The following RBMS3 variants were observed in gnomAD, a reference collection of about 807,000 sequenced individuals.
RBMS3 encodes the protein RNA-binding motif, single-stranded-interacting protein 3.
RBMS3 carries 27 observed loss-of-function variants against 66.8 expected under a neutral mutation model. That is an observed-to-expected ratio of 0.40 (90% CI 0.30 to 0.56). The LOEUF is 0.56. Among genes scored for constraint, RBMS3 ranks in the 20% least tolerant of loss-of-function variants. RBMS3 has a pLI of 0.40. For missense variants in RBMS3, 513 were observed against 549.5 expected (o/e 0.93, Z 0.66); for synonymous variants, 188 against 183.0 (o/e 1.03, Z -0.22).
intron 3 of RBMS3, among the ~76,000 whole-genome samples, chr3:29,527,688 A>G (rs996755965): frequency 6.6e-5 from 10 of 152,184 alleles, no homozygotes; most frequent in African/African-American, 2.4e-4. Flanking sequence ...ATGCTTCCTG[A>G]TTTATAATTA....
chr3:29,700,918 T>C (rs1486075525), intron 4 of RBMS3, among the ~76,000 whole-genome samples: 1 of 152,052 alleles, frequency 6.6e-6, no homozygotes, highest in Non-Finnish European at 1.5e-5. Flanking sequence ...ACATTGCGCT[T>C]TTTAGAAAGG....
intron 4 of RBMS3, among the ~76,000 whole-genome samples, chr3:29,626,467 T>C (rs980399208): frequency 1.3e-5 from 2 of 152,192 alleles, no homozygotes; most frequent in Non-Finnish European, 2.9e-5. Flanking sequence ...AATTTAAGGA[T>C]AAATATTGCA....
chr3:29,911,322 T>C (rs1243361559), intron 10 of RBMS3, among the ~76,000 whole-genome samples: 1 of 152,060 alleles, frequency 6.6e-6, no homozygotes, highest in Non-Finnish European at 1.5e-5. Context: ...TTTTACAGGC[T>C]ACCAGGTGCC....
At chr3:29,408,633 C>CT (rs1352116078) in intron 1 of RBMS3, among the ~76,000 whole-genome samples, 1 of 152,070 alleles carries the variant, frequency 6.6e-6, no homozygotes, top group Admixed American at 6.6e-5. Flanking sequence ...TTATGATACA[C>CT]TTTTTTTATA....
At chr3:29,691,947 C>CTCTTTTTTTTTTTTTTTTTTTT (rs1218393454) in intron 4 of RBMS3, among the ~76,000 whole-genome samples, 4 of 53,548 alleles carry the variant, frequency 7.5e-5, no homozygotes, top group African/African-American at 3.0e-4. Context: ...CTCTCTCTCT[C>CTCTTTTTTTTTTTTTTTTTTTT]TATTTTTTTT....
chr3:29,334,435 G>T (rs2125521409), intron 1 of RBMS3, among the ~76,000 whole-genome samples: 1 of 152,182 alleles, frequency 6.6e-6, no homozygotes, highest in Non-Finnish European at 1.5e-5. Context: ...CTAAAAGTAT[G>T]TTTGTAAATA....
rs2058819518 is a variant in RBMS3, at chr3:29,847,715, G to A, written c.638-21143G>A. Among the ~76,000 whole-genome samples the A allele has an allele frequency of 1.3e-5, 2 of 151,772 alleles. 1 individual carries two copies. The highest frequency in any genetic ancestry group is 4.2e-4 in the South Asian group (2 of 4,814). On this transcript the variant is annotated intron_variant, in intron 6 of 14. Coordinates refer to ENST00000383767, the MANE Select transcript of RBMS3 (RefSeq NM_001003793.3). ...CTGTCGCCCAGGCTGGAGTGCAGTG[G>A]CGCGATCTCGGCTCACTGCAGGCTC...
intron 6 of RBMS3, among the ~76,000 whole-genome samples, chr3:29,866,731 A>G (rs978459122): frequency 9.2e-5 from 14 of 152,218 alleles, no homozygotes; most frequent in African/African-American, 3.4e-4. Context: ...CTTATAACAT[A>G]AAGAATTAGG....
intron 6 of RBMS3, among the ~76,000 whole-genome samples, chr3:29,814,355 T>A (rs976991603): frequency 8.5e-5 from 13 of 152,310 alleles, no homozygotes; most frequent in African/African-American, 2.6e-4. Context: ...TGGATAAGCC[T>A]TTTGATGTGC....
intron 4 of RBMS3, among the ~76,000 whole-genome samples, chr3:29,656,461 C>T (rs2050330504): frequency 6.6e-6 from 1 of 152,130 alleles, no homozygotes; most frequent in African/African-American, 2.4e-5. Flanking sequence ...GCAGATTATG[C>T]CGTCTAGGTG....
chr3:29,926,088 T>C (rs1488889073), intron 10 of RBMS3, among the ~76,000 whole-genome samples: 1 of 152,170 alleles, frequency 6.6e-6, no homozygotes, highest in Non-Finnish European at 1.5e-5. Flanking sequence ...TGCTAATATA[T>C]AAGTTTTAAC....
intron 4 of RBMS3, among the ~76,000 whole-genome samples, chr3:29,689,917 CAAAAAAAAAAAAAAAAAAAAAA>C (rs66580293): frequency 6.1e-4 from 17 of 27,736 alleles, no homozygotes; most frequent in Admixed American, 1.4e-3. Context: ...CTATCTCTAC[CAAAAAAAAAAAAAAAAAAAAAA>C]AAAAAAAAAA....
intron 13 of RBMS3, 56 bp from the exon 14 acceptor site, chr3:29,991,026 G>T: frequency 6.4e-7 from 1 of 1,558,318 alleles, no homozygotes; most frequent in Non-Finnish European, 8.8e-7. Flanking sequence ...AGCCTATCTA[G>T]AGAGGGCCCT....
intron 4 of RBMS3, among the ~76,000 whole-genome samples, chr3:29,737,028 G>A (rs945309063): frequency 1.3e-5 from 2 of 151,920 alleles, no homozygotes; most frequent in Non-Finnish European, 2.9e-5. Context: ...CCAGGCTGGA[G>A]TGCAGTGGCA....
intron 4 of RBMS3, among the ~76,000 whole-genome samples, chr3:29,628,451 T>C (rs2049150224): frequency 6.6e-6 from 1 of 151,994 alleles, no homozygotes; most frequent in African/African-American, 2.4e-5. Flanking sequence ...GGCCTTGTGG[T>C]TTTTATAGGG....
At chr3:29,699,947 G>A (rs541853188) in intron 4 of RBMS3, among the ~76,000 whole-genome samples, 14 of 152,102 alleles carry the variant, frequency 9.2e-5, no homozygotes, top group African/African-American at 3.1e-4. Flanking sequence ...GATGATGATG[G>A]CCTATTATTT....
chr3:29,499,125 A>G (rs2043869115), intron 3 of RBMS3, among the ~76,000 whole-genome samples: 3 of 152,082 alleles, frequency 2.0e-5, no homozygotes, highest in African/African-American at 7.2e-5. Flanking sequence ...CTCCTTTGTT[A>G]TGCTATTCAC....
At chr3:29,623,039 C>G (rs990265972) in intron 4 of RBMS3, among the ~76,000 whole-genome samples, 1 of 149,054 alleles carries the variant, frequency 6.7e-6, no homozygotes, top group Non-Finnish European at 1.5e-5. Context: ...ATGGCGTGAA[C>G]TGGCAAGCTT....
At chr3:29,372,264 A>C (rs1434135471) in intron 1 of RBMS3, among the ~76,000 whole-genome samples, 2 of 152,132 alleles carry the variant, frequency 1.3e-5, no homozygotes, top group Admixed American at 6.6e-5. Flanking sequence ...CGGGTCGTGG[A>C]GGCTGCAGTG....
Sources: allele counts gnomAD v4.1 joint callset (sites outside exome capture counted in the v4.1 genomes callset), GRCh38; gene constraint gnomAD v4.1.1; transcripts MANE v1.5; gene names NCBI Gene and HGNC (gene_info 2026-07-23, HGNC 2026-07-21).